The following DEFB110 variants were observed in gnomAD, a reference collection of about 807,000 sequenced individuals.
DEFB110 encodes beta-defensin 110.
A neutral mutation model predicts 2.5 loss-of-function variants in DEFB110; 4 were observed. The observed-to-expected ratio is 1.60, with a 90% CI of 0.79 to 3.66. The LOEUF (loss-of-function observed/expected upper bound fraction) is 3.66. Among genes scored for constraint, DEFB110 ranks in the 30% most tolerant of loss-of-function variants. The probability of loss-of-function intolerance (pLI) is 0.01; values close to 1 mark genes in which losing one functional copy is unlikely to be tolerated. For synonymous variants in DEFB110, 29 were observed against 21.8 expected (o/e 1.33, Z -0.92); for missense variants, 94 against 75.4 (o/e 1.25, Z -0.91).
chr6:50,018,048 A>T (rs752301489), downstream of DEFB110, among the ~76,000 whole-genome samples: 1 of 151,920 alleles, frequency 6.6e-6, no homozygotes, highest in Non-Finnish European at 1.5e-5. Flanking sequence ...TGGATTGTTA[A>T]ATTGTATTCC....
downstream of DEFB110, among the ~76,000 whole-genome samples, chr6:50,017,408 G>T (rs921286667): frequency 6.6e-6 from 1 of 151,790 alleles, no homozygotes; most frequent in Non-Finnish European, 1.5e-5. Context: ...TCTCAGCCAA[G>T]TGTAAATTTG....
intron 1 of DEFB110, among the ~76,000 whole-genome samples, chr6:50,021,343 C>T (rs1188203364): frequency 3.3e-5 from 5 of 152,090 alleles, no homozygotes; most frequent in African/African-American, 1.2e-4. Context: ...CTAGACGTTG[C>T]CTGATGTTCC....
At chr6:50,011,106 A>G (rs1231406192) in intron 1 of DEFB110, among the ~76,000 whole-genome samples, 1 of 151,688 alleles carries the variant, frequency 6.6e-6, no homozygotes, top group Non-Finnish European at 1.5e-5. Flanking sequence ...TGCCATGTGT[A>G]AATTATGAAT....
intron 1 of DEFB110, among the ~76,000 whole-genome samples, chr6:50,010,397 A>T (rs567790579): frequency 1.3e-5 from 2 of 151,812 alleles, no homozygotes; most frequent in Admixed American, 6.6e-5. Context: ...TTCACCAGGC[A>T]TTAGGTTCCG....
At chr6:50,009,146 A>T in exon 2 of DEFB110, 1 of 1,609,674 alleles carries the variant, frequency 6.2e-7, no homozygotes, top group Non-Finnish European at 8.5e-7. Context: ...GTTTATACGC[A>T]GCACTGACTT....
Sources: gnomAD v4.1 joint callset for allele counts (sites outside exome capture counted in the v4.1 genomes callset) on GRCh38, gnomAD v4.1.1 for gene constraint, MANE v1.5 for transcripts, NCBI Gene and HGNC (gene_info 2026-07-23, HGNC 2026-07-21) for gene names.